Variants in GSAP observed in about 807,000 individuals in gnomAD.
GSAP encodes the protein gamma-secretase activating protein, also known as gamma-secretase-activating protein.
A neutral mutation model predicts 131.7 loss-of-function variants in GSAP; 118 were observed. The observed-to-expected ratio is 0.90, with a 90% CI of 0.77 to 1.04. The LOEUF is 1.04. Ranked by LOEUF, GSAP falls within the 50% of genes least tolerant of loss-of-function variation. GSAP has a pLI of 0.00. For missense variants in GSAP, 1,019 were observed against 1,013.2 expected (o/e 1.01, Z -0.08); for synonymous variants, 381 against 363.4 (o/e 1.05, Z -0.55).
intron 18 of GSAP, chr7:77,351,407 A>C: frequency 1.0e-6 from 1 of 981,560 alleles, no homozygotes; most frequent in Non-Finnish European, 1.2e-6. Context: ...TCGCCTGTGG[A>C]AACTTTTTAT....
intron 3 of GSAP, among the ~76,000 whole-genome samples, chr7:77,399,796 T>G (rs1167522150): frequency 1.3e-5 from 2 of 152,040 alleles, no homozygotes; most frequent in Non-Finnish European, 2.9e-5. Context: ...TTTTTTAAGT[T>G]TCAATGACGA....
chr7:77,402,615 A>AT (rs1801544081), intron 3 of GSAP, among the ~76,000 whole-genome samples: 1 of 140,120 alleles, frequency 7.1e-6, no homozygotes, highest in Non-Finnish European at 1.5e-5. Flanking sequence ...AAAAAAAAAA[A>AT]AGAATTTTAA....
At position 77,323,704 on chromosome 7, in the gene GSAP, T is replaced by C; in HGVS notation, c.1866A>G (p.Leu622=). 6.2e-7 allele frequency: 1 copy of C among 1,605,828 alleles called. No individual in the cohort carries two copies. Among genetic ancestry groups the C allele is most frequent in the Non-Finnish European group, 8.5e-7 (1 of 1,173,602 alleles). ...SELKDHFLRH[L]QGVEKKKIEQ... Reference sequence around the variant, plus strand: ...CAATTTTCTTCTTTTCTACACCCTGTAGGTGTCTCAAAAAATGGTCTTTTA... The same window carrying C: ...CAATTTTCTTCTTTTCTACACCCTGCAGGTGTCTCAAAAAATGGTCTTTTA... The change falls in exon 24 of 31, where the codon CTA becomes CTG. Residue 622 remains leucine (L), a synonymous_variant. Coordinates refer to ENST00000257626, the MANE Select transcript of GSAP (RefSeq NM_017439.4).
chr7:77,366,859 C>T (rs1420857250), intron 12 of GSAP, among the ~76,000 whole-genome samples: 1 of 152,076 alleles, frequency 6.6e-6, no homozygotes, highest in Admixed American at 6.6e-5. Flanking sequence ...TATCCATGAG[C>T]ATGTTTTTCC....
At chr7:77,408,260 T>G (rs912225024) in intron 1 of GSAP, among the ~76,000 whole-genome samples, 1 of 152,224 alleles carries the variant, frequency 6.6e-6, no homozygotes, top group African/African-American at 2.4e-5. Flanking sequence ...ACATTTAACC[T>G]ATAAGTTAAC....
chr7:77,362,525 T>C (rs1314622525), intron 13 of GSAP, 58 bp downstream of exon 13: 3 of 895,714 alleles, frequency 3.3e-6, no homozygotes. Flanking sequence ...GCTATCTAAT[T>C]TGCTACTATT....
chr7:77,367,063 T>C (rs1284001056), intron 12 of GSAP, among the ~76,000 whole-genome samples: 1 of 152,232 alleles, frequency 6.6e-6, no homozygotes, highest in Non-Finnish European at 1.5e-5. Flanking sequence ...GAGATTTCTG[T>C]ACATTGATTT....
chr7:77,325,716 G>T (rs890136194), intron 23 of GSAP, among the ~76,000 whole-genome samples: 2 of 152,148 alleles, frequency 1.3e-5, no homozygotes, highest in Non-Finnish European at 2.9e-5. Context: ...GATTACAGGT[G>T]TGCACCATCA....
At chr7:77,356,253 T>A (rs1160144298) in intron 14 of GSAP, among the ~76,000 whole-genome samples, 3 of 152,220 alleles carry the variant, frequency 2.0e-5, no homozygotes, top group Admixed American at 6.5e-5. Context: ...TTATCTTAAT[T>A]TATACCTGCA....
At chr7:77,330,432 G>A (rs1308227951) in intron 19 of GSAP, 65 bp from the exon 20 acceptor site, 1 of 1,569,220 alleles carries the variant, frequency 6.4e-7, no homozygotes, top group African/African-American at 1.4e-5. Flanking sequence ...CACCCAGTGA[G>A]TATTACACAA....
At chr7:77,350,104 T>G (rs1162556664) in intron 18 of GSAP, among the ~76,000 whole-genome samples, 1 of 151,820 alleles carries the variant, frequency 6.6e-6, no homozygotes, top group African/African-American at 2.4e-5. Context: ...TAAAAAATGA[T>G]GAGTTCATGT....
chr7:77,364,710 T>A (rs535857664), intron 12 of GSAP, among the ~76,000 whole-genome samples: 1 of 152,280 alleles, frequency 6.6e-6, no homozygotes, highest in South Asian at 2.1e-4. Flanking sequence ...ATGTACCTAA[T>A]TACATATTCT....
intron 3 of GSAP, among the ~76,000 whole-genome samples, chr7:77,402,749 G>A (rs1801595339): frequency 6.6e-6 from 1 of 150,576 alleles, no homozygotes; most frequent in Admixed American, 6.6e-5. Flanking sequence ...TGGGAGAAGG[G>A]GAGGGTTTGT....
intron 22 of GSAP, among the ~76,000 whole-genome samples, chr7:77,327,965 T>G (rs868616221): frequency 6.6e-6 from 1 of 152,220 alleles, no homozygotes; most frequent in East Asian, 1.9e-4. Context: ...GGTACCCTCA[T>G]GTGCTAAGCA....
In GSAP at chr7:77,385,574, A is replaced by T. The variant is rs528368968; in HGVS notation, c.456+1786T>A. On this transcript the variant is annotated intron_variant, in intron 6 of 30. Transcript: ENST00000257626. ...GAAGCCAAAGAACAGACCAGAAAAG[A>T]GAAGTGTGCTCTGTCCCCAGCCTCC... 3.3e-5 allele frequency among the ~76,000 whole-genome samples: 5 copies of T among 152,192 alleles called. No individual in the cohort carries two copies. In the East Asian group the frequency reaches 9.6e-4, roughly 29 times the overall value.
chr7:77,324,741 C>T (rs980187798), intron 23 of GSAP, among the ~76,000 whole-genome samples: 6 of 151,488 alleles, frequency 4.0e-5, no homozygotes, highest in African/African-American at 1.2e-4. Context: ...TCCTACCACC[C>T]ATATTAACAA....
chr7:77,383,433 A>G (rs1798073668), intron 6 of GSAP, among the ~76,000 whole-genome samples: 1 of 152,202 alleles, frequency 6.6e-6, no homozygotes, highest in African/African-American at 2.4e-5. Flanking sequence ...CCAAAGTTCC[A>G]CATCCAAGAG....
At chr7:77,337,811 ACATG>A (rs1790257323) in intron 19 of GSAP, among the ~76,000 whole-genome samples, 1 of 152,116 alleles carries the variant, frequency 6.6e-6, no homozygotes, top group African/African-American at 2.4e-5. Context: ...AAAAATCCAT[ACATG>A]CTTCCTGTGG....
chr7:77,355,572 T>G lies in GSAP; in HGVS notation c.1103A>C (p.His368Pro). The change falls in exon 15 of 31, where the codon CAC becomes CCC. Residue 368 changes from histidine (H) to proline (P), a missense_variant. Transcript: ENST00000257626. The stretch of plus-strand genomic sequence containing the variant: ...AGCCGTACCTGTCAGAAAGAGATTG[T>G]GGCAGATCAGGTCTGGATGTTGAAC... ...LNVQHPDLIC[H>P]NLFLTGNNEM... 1 of 1,609,610 alleles carries G rather than the reference T, an allele frequency of 6.2e-7. No homozygotes were observed.
Sources: gnomAD v4.1 joint callset for allele counts (sites outside exome capture counted in the v4.1 genomes callset) on GRCh38, gnomAD v4.1.1 for gene constraint, MANE v1.5 for transcripts, NCBI Gene and HGNC (gene_info 2026-07-23, HGNC 2026-07-21) for gene names.